Variants in PRG2 observed in about 807,000 individuals in gnomAD.
The protein encoded by PRG2 is proteoglycan 2, pro eosinophil major basic protein.
A neutral mutation model predicts 24.7 loss-of-function variants in PRG2; 23 were observed. The observed-to-expected ratio is 0.93, with a 90% confidence interval of 0.67 to 1.32. PRG2 has a LOEUF of 1.32. PRG2 is among the 40% of genes most tolerant of loss of function. PRG2 has a pLI of 0.00. For missense variants in PRG2, 271 were observed against 280.9 expected (o/e 0.96, Z 0.25); for synonymous variants, 104 against 99.8 (o/e 1.04, Z -0.25).
chr11:57,387,372 A>G lies in PRG2; in HGVS notation c.*103T>C. On this transcript the variant is annotated 3_prime_UTR_variant, in exon 6 of 6. Coordinates refer to ENST00000311862, the MANE Select transcript of PRG2 (RefSeq NM_002728.6). Reference sequence around the variant, plus strand: ...GAGGAGAAAATAAATCCATTTCAGTAAAACCCATTTTATTGCAGGGAGGTG... The same window carrying G: ...GAGGAGAAAATAAATCCATTTCAGTGAAACCCATTTTATTGCAGGGAGGTG... The G allele has an allele frequency of 9.7e-7, 1 of 1,031,852 alleles. No homozygotes were observed. The highest frequency in any genetic ancestry group is 1.5e-6 in the Non-Finnish European group (1 of 685,954). The allele number at this position is 1,031,852 out of a possible 1,614,324, so 63.9% of individuals were successfully genotyped here.
rs1857059579 is a variant in PRG2, at chr11:57,387,169, G to A, written c.*306C>T. The A allele has an allele frequency of 6.9e-6, 2 of 288,340 alleles. No individual in the cohort carries two copies. The highest frequency in any genetic ancestry group is 1.3e-4 in the South Asian group (2 of 15,480). The allele number at this position is 288,340 out of a possible 1,614,324, so 17.9% of individuals were successfully genotyped here. A position where few individuals can be genotyped will look rare whatever the true frequency, so the allele number is the denominator to read the frequency against. On this transcript the variant is annotated 3_prime_UTR_variant, in exon 6 of 6. Coordinates refer to ENST00000311862, the MANE Select transcript of PRG2 (RefSeq NM_002728.6). ...GGTGCCCAGTAATCAGGTGTTCTAT[G>A]AAGAGAACTAGCTGAGCCCATTCCT...
At chr11:57,389,391 C>T (rs1301908993) in intron 2 of PRG2, 74 bp from the exon 3 acceptor site, 7 of 1,481,044 alleles carry the variant, frequency 4.7e-6, no homozygotes, top group South Asian at 1.3e-5. Context: ...AGACAGCTCA[C>T]ACCTTGCCCT....
At chr11:57,389,750 G>T in intron 2 of PRG2, 137 bp downstream of exon 2, 1 of 770,066 alleles carries the variant, frequency 1.3e-6, no homozygotes, top group Non-Finnish European at 2.1e-6. Flanking sequence ...TGGCCATAGA[G>T]TCCCCATCCC....
In PRG2 at chr11:57,389,320, G is replaced by T; in HGVS notation, c.59-3C>A. 1.2e-6 allele frequency: 2 copies of T among 1,609,346 alleles called. No homozygotes were observed. The highest frequency in any genetic ancestry group is 1.7e-6 in the Non-Finnish European group (2 of 1,179,404). On this transcript the variant is annotated splice_region_variant and splice_polypyrimidine_tract_variant and intron_variant, in intron 2 of 5. Transcript: ENST00000311862. ...CTCAAAGGTGGAAGTCTCAGACCCTGGCAGGGAGGATAGCTAAGTGTCCTT... is the reference window on the plus strand; with the variant it reads ...CTCAAAGGTGGAAGTCTCAGACCCTTGCAGGGAGGATAGCTAAGTGTCCTT...
chr11:57,387,581 ACTCAACC>A (rs1857069330), intron 5 of PRG2, 48 bp from the exon 6 acceptor site: 2 of 1,570,942 alleles, frequency 1.3e-6, no homozygotes, highest in Non-Finnish European at 1.7e-6. Flanking sequence ...GTCCATCCCA[ACTCAACC>A]CACAGGAGGG....
chr11:57,389,090 C>G lies in PRG2; in HGVS notation c.286G>C (p.Val96Leu), dbSNP rs754023531. ...CACCCAGGGATGCCCACCACTTTTA[C>G]TGTGTCCTCTTCCTCAGGACACGTA... ...NLTCPEEEDTVKVVGIPGCQT... is the reference protein window; with the variant it reads ...NLTCPEEEDTLKVVGIPGCQT... Residue 96 changes from valine to leucine, a missense_variant, in exon 3 of 6, where the codon GTA becomes CTA. Coordinates refer to ENST00000311862, the MANE Select transcript of PRG2 (RefSeq NM_002728.6). The G allele has an allele frequency of 6.2e-7, 1 of 1,614,228 alleles. No individual in the cohort carries two copies.
chr11:57,388,786 C>A, intron 3 of PRG2, 78 bp from the exon 4 acceptor site: 1 of 1,557,408 alleles, frequency 6.4e-7, no homozygotes, highest in Admixed American at 1.8e-5. Context: ...CCCCACAATT[C>A]ATTCCCTCCC....
chr11:57,388,872 C>G, intron 3 of PRG2, 138 bp downstream of exon 3: 1 of 1,423,872 alleles, frequency 7.0e-7, no homozygotes, highest in Non-Finnish European at 9.4e-7. Context: ...CCTCTTACCC[C>G]AACACCTCTC....
At chr11:57,388,963 A>AC in intron 3 of PRG2, 47 bp downstream of exon 3, 1 of 1,583,302 alleles carries the variant, frequency 6.3e-7, no homozygotes, top group Non-Finnish European at 8.6e-7. Context: ...GGCATATCCC[A>AC]CACCCGTTCC....
chr11:57,387,427 G>A lies in PRG2; in HGVS notation c.*48C>T. ...GAGGGATGGCAAGCAGAGGAGGGGA[G>A]GCAGCTGCCCAGGAGAGGGCAGCTC... On this transcript the variant is annotated 3_prime_UTR_variant, in exon 6 of 6. Coordinates refer to ENST00000311862, the MANE Select transcript of PRG2 (RefSeq NM_002728.6). The A allele has an allele frequency of 6.6e-7, 1 of 1,519,234 alleles. No homozygotes were observed. Among genetic ancestry groups the A allele is most frequent in the Non-Finnish European group, 9.0e-7 (1 of 1,109,230 alleles). 94.1% of individuals were successfully genotyped at this position (1,519,234 alleles called of 1,614,324 possible). A position where few individuals can be genotyped will look rare whatever the true frequency, so the allele number is the denominator to read the frequency against.
Position 57,387,870 on chromosome 11 carries a change from AG to A in PRG2, c.499-6del, listed in dbSNP as rs767464246. The A allele has an allele frequency of 4.8e-5, 74 of 1,553,616 alleles. 1 individual carries two copies. In the South Asian group the frequency reaches 8.4e-4, roughly 18 times the overall value. On this transcript the variant is annotated splice_region_variant and splice_polypyrimidine_tract_variant and intron_variant, in intron 4 of 5. Transcript: ENST00000311862. Reference sequence around the variant, plus strand: ...CTGAAAGCGTCTGCAGCGACCCTGGAGAAAGCAAGAGGGGAAGAAGGGATGG... The same window carrying A: ...CTGAAAGCGTCTGCAGCGACCCTGGAAAAGCAAGAGGGGAAGAAGGGATGG...
Position 57,389,118 on chromosome 11 carries a change from G to T in PRG2, c.258C>A (p.Asn86Lys). The part of the protein sequence containing the change: ...SISVPDMVDK[N>K]LTCPEEEDTV... Reference sequence around the variant, plus strand: ...TGTCCTCTTCCTCAGGACACGTAAGGTTTTTGTCCACCATATCTGGCACTG... The same window carrying T: ...TGTCCTCTTCCTCAGGACACGTAAGTTTTTTGTCCACCATATCTGGCACTG... Residue 86 changes from asparagine to lysine, a missense_variant, in exon 3 of 6, where the codon AAC (asparagine) becomes AAA (lysine). Coordinates refer to ENST00000311862, the MANE Select transcript of PRG2 (RefSeq NM_002728.6). 1 of 1,614,150 alleles carries T rather than the reference G, an allele frequency of 6.2e-7. No homozygotes were observed. Among genetic ancestry groups the T allele is most frequent in the African/African-American group, 1.3e-5 (1 of 75,032 alleles).
chr11:57,389,243 C>T lies in PRG2; in HGVS notation c.133G>A (p.Glu45Lys), dbSNP rs529053779. ...LPEDEETPEQ[E>K]MEETPCRELE... ...TCCCTGCAAGGGGTCTCCTCCATCT[C>T]CTGCTCTGGTGTCTCCTCATCCTCA... Residue 45 changes from glutamate to lysine, a missense_variant, in exon 3 of 6, where the codon GAG becomes AAG. Transcript: ENST00000311862. 33 of 1,614,196 alleles carry T rather than the reference C, an allele frequency of 2.0e-5. No homozygotes were observed. In the Admixed American group the frequency reaches 5.2e-4, roughly 25 times the overall value.
chr11:57,388,997 A>C lies in PRG2; in HGVS notation c.366+13T>G. 6.2e-7 allele frequency: 1 copy of C among 1,611,146 alleles called. No homozygotes were observed. On this transcript the variant is annotated intron_variant, in intron 3 of 5. Coordinates refer to ENST00000311862, the MANE Select transcript of PRG2 (RefSeq NM_002728.6). ...CCATGCTCCCACCTCAGCCTCAGCC[A>C]TAGGCCACTCACCCAAGCTTGACTA...
chr11:57,388,804 C>A (rs1857099604), intron 3 of PRG2, 96 bp from the exon 4 acceptor site: 2 of 1,530,142 alleles, frequency 1.3e-6, no homozygotes, highest in South Asian at 1.2e-5. Context: ...CCCTCCCCTG[C>A]CACAACCATT....
chr11:57,387,477 A>C lies in PRG2; in HGVS notation c.667T>G (p.Ter223GlyextTer31), dbSNP rs1857066156. 6.2e-7 allele frequency: 1 copy of C among 1,613,736 alleles called. No individual in the cohort carries two copies. Among genetic ancestry groups the C allele is most frequent in the African/African-American group, 1.3e-5 (1 of 74,900 alleles). The part of the protein sequence containing the change: ...LRRLPFICSY[*>G] ...CTGAACTGCTGGCTGGGACCAGCTC[A>C]GTAGGAACAGATGAAAGGAAGTCTT... is the stretch of plus-strand genomic sequence containing the variant. Residue 223 changes from the stop codon to glycine, a stop_lost, in exon 6 of 6, where the codon TGA becomes GGA. Transcript: ENST00000311862.
intron 2 of PRG2, 33 bp downstream of exon 2, chr11:57,389,852 CAG>C (rs1388526538): frequency 1.3e-5 from 21 of 1,555,910 alleles, no homozygotes; most frequent in East Asian, 2.2e-5. Context: ...AGGGAAAAAA[CAG>C]AGAAAGAAAG....
intron 2 of PRG2, among the ~76,000 whole-genome samples, chr11:57,389,529 C>T (rs1447980806): frequency 6.6e-6 from 1 of 152,180 alleles, no homozygotes; most frequent in Non-Finnish European, 1.5e-5. Flanking sequence ...CAGTCATGGG[C>T]TTGGGTACTG....
chr11:57,389,716 G>A (rs1037475520), intron 2 of PRG2, among the ~76,000 whole-genome samples, 171 bp downstream of exon 2: 6 of 152,158 alleles, frequency 3.9e-5, no homozygotes, highest in African/African-American at 7.2e-5. Flanking sequence ...CATAACAGAC[G>A]CCTTGAGAAA....
Sources: gnomAD v4.1 joint callset for allele counts (sites outside exome capture counted in the v4.1 genomes callset) on GRCh38, gnomAD v4.1.1 for gene constraint, MANE v1.5 for transcripts, NCBI Gene and HGNC (gene_info 2026-07-23, HGNC 2026-07-21) for gene names.